Variants in SOX5 observed in about 807,000 individuals in gnomAD.
SOX5 encodes transcription factor SOX-5.
In SOX5, 9 loss-of-function variants were observed where a neutral mutation model predicts 92.0. The observed-to-expected ratio is 0.10, with a 90% CI of 0.06 to 0.17. The LOEUF (loss-of-function observed/expected upper bound fraction) is 0.17, where lower values mean the gene tolerates loss of function less well. Among genes scored for constraint, SOX5 ranks in the 10% least tolerant of loss-of-function variants. SOX5 has a pLI of 1.00. For missense variants in SOX5, 642 were observed against 944.5 expected (o/e 0.68, Z 4.20); for synonymous variants, 344 against 336.3 (o/e 1.02, Z -0.25).
intron 1 of SOX5, among the ~76,000 whole-genome samples, chr12:23,935,994 T>G (rs1469177176): frequency 6.6e-6 from 1 of 151,110 alleles, no homozygotes; most frequent in Non-Finnish European, 1.5e-5. Context: ...ACTCTCTCTG[T>G]TTCATTTTCT....
At chr12:23,782,989 C>T (rs2095311954) in intron 3 of SOX5, among the ~76,000 whole-genome samples, 1 of 152,142 alleles carries the variant, frequency 6.6e-6, no homozygotes, top group Admixed American at 6.5e-5. Flanking sequence ...AGAAAGCACA[C>T]TGCCGTACCT....
chr12:24,154,992 A>G (rs1236611384), intron 4 of SOX5, among the ~76,000 whole-genome samples: 1 of 152,134 alleles, frequency 6.6e-6, no homozygotes, highest in Non-Finnish European at 1.5e-5. Context: ...CTGTGAGACT[A>G]CTTCCTTCAT....
intron 1 of SOX5, among the ~76,000 whole-genome samples, chr12:23,917,137 G>C (rs894648228): frequency 6.6e-6 from 1 of 152,110 alleles, no homozygotes; most frequent in African/African-American, 2.4e-5. Context: ...CATATAAACA[G>C]ATAATCACAA....
intron 4 of SOX5, among the ~76,000 whole-genome samples, chr12:23,750,789 A>G (rs1002029294): frequency 6.6e-6 from 1 of 151,896 alleles, no homozygotes; most frequent in African/African-American, 2.4e-5. Flanking sequence ...AAAAGTACAA[A>G]GTATATAAAA....
At chr12:23,789,609 C>T (rs1378694003) in intron 3 of SOX5, among the ~76,000 whole-genome samples, 4 of 151,978 alleles carry the variant, frequency 2.6e-5, no homozygotes, top group Non-Finnish European at 2.9e-5. Flanking sequence ...ATAGCCAATG[C>T]TACCATTAAA....
chr12:24,273,934 G>A (rs1378553576), intron 3 of SOX5, among the ~76,000 whole-genome samples: 2 of 152,098 alleles, frequency 1.3e-5, no homozygotes, highest in African/African-American at 4.8e-5. Context: ...TTTTAATTGT[G>A]AAACTATATT....
intron 7 of SOX5, among the ~76,000 whole-genome samples, chr12:23,649,532 T>A (rs564090657): frequency 6.6e-6 from 1 of 152,158 alleles, no homozygotes; most frequent in East Asian, 1.9e-4. Context: ...ATTTGAAAAA[T>A]TTTTCCCTAA....
At chr12:23,952,311 T>C (rs1364147145), upstream of SOX5, among the ~76,000 whole-genome samples, 1 of 152,190 alleles carries the variant, frequency 6.6e-6, no homozygotes, top group African/African-American at 2.4e-5. Flanking sequence ...GAGATCCGTA[T>C]GGTCCCAGCT....
chr12:23,538,790 C>G (rs1470379025), intron 13 of SOX5, among the ~76,000 whole-genome samples: 1 of 137,254 alleles, frequency 7.3e-6, no homozygotes, highest in Admixed American at 8.3e-5. Context: ...AAAACGAAAC[C>G]AGCATTTTCT....
At chr12:23,895,733 A>G in intron 2 of SOX5, 60 bp downstream of exon 2, 1 of 1,179,558 alleles carries the variant, frequency 8.5e-7, no homozygotes, top group East Asian at 2.3e-5. Context: ...AGGCCAAACT[A>G]TTAGAGGAGT....
At chr12:23,914,038 T>A in intron 1 of SOX5, among the ~76,000 whole-genome samples, 1 of 152,156 alleles carries the variant, frequency 6.6e-6, no homozygotes, top group East Asian at 1.9e-4. Flanking sequence ...TCTGAAGGAA[T>A]TAAAACCTTT....
At chr12:23,961,447 A>G (rs534546782) in intron 4 of SOX5, among the ~76,000 whole-genome samples, 47 of 152,288 alleles carry the variant, frequency 3.1e-4, no homozygotes, top group Non-Finnish European at 6.5e-4. Flanking sequence ...CCAAACTGGT[A>G]TAGTTGCTGG....
intron 2 of SOX5, among the ~76,000 whole-genome samples, chr12:23,890,220 T>A (rs749160909): frequency 1.3e-4 from 20 of 151,932 alleles, no homozygotes; most frequent in Non-Finnish European, 2.4e-4. Flanking sequence ...TTCGCAAGCC[T>A]TAAGCCAGAT....
At chr12:24,246,932 C>CA (rs899834770) in intron 3 of SOX5, among the ~76,000 whole-genome samples, 1 of 151,832 alleles carries the variant, frequency 6.6e-6, no homozygotes, top group South Asian at 2.1e-4. Context: ...CCTAAGAGAA[C>CA]AAAAAATGCA....
At chr12:23,886,318 C>CA (rs2097064606) in intron 2 of SOX5, among the ~76,000 whole-genome samples, 1 of 152,006 alleles carries the variant, frequency 6.6e-6, no homozygotes, top group South Asian at 2.1e-4. Flanking sequence ...TCTTAAGATC[C>CA]AAATGAAGTG....
intron 2 of SOX5, among the ~76,000 whole-genome samples, chr12:24,366,471 G>A (rs11047399): frequency 0.052 from 7,975 of 152,150 alleles, 292 homozygotes; most frequent in Non-Finnish European, 0.074. Context: ...GCAATGCCCC[G>A]CCACCATCTT....
chr12:24,436,420 C>T (rs1472142023), intron 1 of SOX5, among the ~76,000 whole-genome samples: 4 of 152,166 alleles, frequency 2.6e-5, no homozygotes, highest in Non-Finnish European at 4.4e-5. Flanking sequence ...TAAAAAAAAT[C>T]AAACCAGCCA....
At chr12:24,089,034 A>G (rs1165020395) in intron 4 of SOX5, among the ~76,000 whole-genome samples, 1 of 152,118 alleles carries the variant, frequency 6.6e-6, no homozygotes, top group African/African-American at 2.4e-5. Context: ...GAGAATTTAG[A>G]TAACACCAGT....
At chr12:24,453,970 C>T (rs1942679519) in intron 1 of SOX5, among the ~76,000 whole-genome samples, 1 of 152,092 alleles carries the variant, frequency 6.6e-6, no homozygotes, top group Non-Finnish European at 1.5e-5. Flanking sequence ...AAGAGAGTTG[C>T]CACATTACAT....
Sources: gnomAD v4.1 joint callset for allele counts (sites outside exome capture counted in the v4.1 genomes callset) on GRCh38, gnomAD v4.1.1 for gene constraint, MANE v1.5 for transcripts, NCBI Gene and HGNC (gene_info 2026-07-23, HGNC 2026-07-21) for gene names.